Variants in RORA observed in about 807,000 individuals in gnomAD.
The protein encoded by RORA is RAR related orphan receptor A, also known as nuclear receptor ROR-alpha.
RORA carries 7 observed loss-of-function variants against 69.5 expected under a neutral mutation model. That is an observed-to-expected ratio of 0.10 (90% confidence interval 0.06 to 0.19). RORA has a LOEUF of 0.19. Ranked by LOEUF, RORA falls within the 10% of genes least tolerant of loss-of-function variation. The pLI, the probability that RORA is intolerant of heterozygous loss-of-function variation, is 1.00. For synonymous variants in RORA, 261 were observed against 240.8 expected (o/e 1.08, Z -0.78); for missense variants, 457 against 663.0 (o/e 0.69, Z 3.41).
intron 1 of RORA, among the ~76,000 whole-genome samples, chr15:60,878,170 CAAAAAAAAAAAAA>C (rs11362081): frequency 4.3e-5 from 3 of 69,680 alleles, no homozygotes; most frequent in South Asian, 1.2e-3. Flanking sequence ...ACTAAAAATA[CAAAAAAAAAAAAA>C]AAAAAAAAAA....
intron 1 of RORA, among the ~76,000 whole-genome samples, chr15:60,760,828 A>G (rs1378068316): frequency 1.3e-5 from 2 of 152,078 alleles, no homozygotes; most frequent in African/African-American, 4.8e-5. Flanking sequence ...TTGAATGACG[A>G]TGCATGTCTA....
At chr15:61,078,156 AT>A (rs966775381) in intron 1 of RORA, among the ~76,000 whole-genome samples, 1 of 152,192 alleles carries the variant, frequency 6.6e-6, no homozygotes, top group Non-Finnish European at 1.5e-5. Flanking sequence ...TAAAGGCTTT[AT>A]TTTTAAATTA....
In RORA at chr15:61,197,029, T is replaced by C. The variant is rs116301475; in HGVS notation, c.166+32024A>G. On this transcript the variant is annotated intron_variant, in intron 1 of 10. Transcript: ENST00000335670. ...AGGAAACAACAAAAATTTAAAGACA[T>C]ATTGCCCCAGGGACCACAGGGGAAA... is the stretch of plus-strand genomic sequence containing the variant. 5.6e-3 allele frequency among the ~76,000 whole-genome samples: 852 copies of C among 152,252 alleles called. 9 individuals carry two copies. The highest frequency in any genetic ancestry group is 0.02 in the African/African-American group (814 of 41,550).
intron 2 of RORA, among the ~76,000 whole-genome samples, chr15:60,621,364 T>C (rs1360102690): frequency 1.3e-5 from 2 of 152,130 alleles, no homozygotes; most frequent in Non-Finnish European, 2.9e-5. Flanking sequence ...AAGCTCATAG[T>C]CCACTGCGGA....
rs546993675 is a variant in RORA, at chr15:61,206,966, T to C, written c.166+22087A>G. ...AGTCTAACGCCTAAATTCCAAAAGATATTACTGATACTGTTTATAATTAGC... is the reference window on the plus strand; with the variant it reads ...AGTCTAACGCCTAAATTCCAAAAGACATTACTGATACTGTTTATAATTAGC... On this transcript the variant is annotated intron_variant, in intron 1 of 10. Transcript: ENST00000335670. Among the ~76,000 whole-genome samples the C allele has an allele frequency of 2.0e-5, 3 of 152,282 alleles. No homozygotes were observed. In the South Asian group the frequency reaches 6.2e-4, roughly 32 times the overall value.
At chr15:60,509,698 T>G (rs1405654798) in intron 5 of RORA, among the ~76,000 whole-genome samples, 1 of 152,108 alleles carries the variant, frequency 6.6e-6, no homozygotes, top group Non-Finnish European at 1.5e-5. Flanking sequence ...AAATCCTTAT[T>G]CATATCTGAA....
At chr15:60,656,515 TC>T (rs1399079958) in intron 2 of RORA, among the ~76,000 whole-genome samples, 1 of 105,834 alleles carries the variant, frequency 9.4e-6, no homozygotes, top group Admixed American at 8.2e-5. Context: ...ACCCTGAGAT[TC>T]TTTTTTTTTC....
At chr15:61,066,319 A>G (rs1290639537) in intron 1 of RORA, among the ~76,000 whole-genome samples, 1 of 152,040 alleles carries the variant, frequency 6.6e-6, no homozygotes, top group Non-Finnish European at 1.5e-5. Flanking sequence ...CATGTGTACT[A>G]TAAAATTTCT....
At position 60,617,460 on chromosome 15, in the gene RORA, C is replaced by T. The variant is rs147867659; in HGVS notation, c.196+61197G>A. On this transcript the variant is annotated intron_variant, in intron 2 of 10. Coordinates refer to ENST00000335670, the MANE Select transcript of RORA (RefSeq NM_134261.3). ...GGAAGCAACTGCGCAAAAGGCAGAACGTGACAGTGAGAATTCCTCTTGGAG... is the reference window on the plus strand; with the variant it reads ...GGAAGCAACTGCGCAAAAGGCAGAATGTGACAGTGAGAATTCCTCTTGGAG... 1.9e-4 allele frequency among the ~76,000 whole-genome samples: 29 copies of T among 152,204 alleles called. No individual in the cohort carries two copies. The Middle Eastern group carries it at 0.01, about 54-fold the overall frequency.
At chr15:60,866,465 C>T (rs1372917154) in intron 1 of RORA, among the ~76,000 whole-genome samples, 4 of 152,200 alleles carry the variant, frequency 2.6e-5, no homozygotes, top group Non-Finnish European at 5.9e-5. Context: ...AAATCATCAT[C>T]TTTTATTGTT....
chr15:61,056,917 T>G (rs562171214), intron 1 of RORA, among the ~76,000 whole-genome samples: 1 of 152,356 alleles, frequency 6.6e-6, no homozygotes, highest in Admixed American at 6.5e-5. Context: ...CTGCCTTCCC[T>G]CTTGGCTCCT....
At chr15:60,779,279 GC>G (rs1266286942) in intron 1 of RORA, among the ~76,000 whole-genome samples, 1 of 152,080 alleles carries the variant, frequency 6.6e-6, no homozygotes, top group African/African-American at 2.4e-5. Flanking sequence ...TCCCAGGTTG[GC>G]CCAACTCTTA....
intron 1 of RORA, among the ~76,000 whole-genome samples, chr15:60,996,366 C>T (rs12593212): frequency 0.23 from 34,655 of 152,136 alleles, 4,347 homozygotes; most frequent in East Asian, 0.39. Flanking sequence ...GCCACCACGC[C>T]CAGCCCTACA....
chr15:60,627,304 T>C lies in RORA; in HGVS notation c.196+51353A>G, dbSNP rs748254416. On this transcript the variant is annotated intron_variant, in intron 2 of 10. Transcript: ENST00000335670. The stretch of plus-strand genomic sequence containing the variant: ...TCTGGCCTGTCCAGTTCGAAGACAA[T>C]GACCCATGATTGACCACGGCACTCT... 13 of 1,614,168 alleles carry C rather than the reference T, an allele frequency of 8.1e-6. No individual in the cohort carries two copies. In the South Asian group the frequency reaches 1.2e-4, roughly 15 times the overall value.
At chr15:61,157,243 T>C (rs531323273) in intron 1 of RORA, among the ~76,000 whole-genome samples, 11 of 152,238 alleles carry the variant, frequency 7.2e-5, no homozygotes, top group African/African-American at 2.2e-4. Flanking sequence ...GAAATAAAAA[T>C]AGCCCTTTTG....
At chr15:60,739,107 T>C (rs1212433484) in intron 1 of RORA, among the ~76,000 whole-genome samples, 1 of 152,126 alleles carries the variant, frequency 6.6e-6, no homozygotes, top group Non-Finnish European at 1.5e-5. Flanking sequence ...AAAATATAAG[T>C]TTTGAGGAGG....
At chr15:60,626,101 T>C (rs530175323) in intron 2 of RORA, among the ~76,000 whole-genome samples, 1 of 152,328 alleles carries the variant, frequency 6.6e-6, no homozygotes, top group South Asian at 2.1e-4. Flanking sequence ...CAGCCTGTGT[T>C]AGCTCACGAC....
chr15:60,998,231 A>C (rs546441213), intron 1 of RORA, among the ~76,000 whole-genome samples: 1 of 150,416 alleles, frequency 6.6e-6, no homozygotes, highest in South Asian at 2.1e-4. Flanking sequence ...TGGCCCGATC[A>C]CAGCTCACTG....
intron 1 of RORA, among the ~76,000 whole-genome samples, chr15:61,042,170 T>C (rs746552537): frequency 8.5e-5 from 13 of 152,198 alleles, no homozygotes; most frequent in Non-Finnish European, 1.5e-4. Context: ...ACCTCAACAA[T>C]AGCCTATTAG....
Sources: gnomAD v4.1 joint callset for allele counts (sites outside exome capture counted in the v4.1 genomes callset) on GRCh38, gnomAD v4.1.1 for gene constraint, MANE v1.5 for transcripts, NCBI Gene and HGNC (gene_info 2026-07-23, HGNC 2026-07-21) for gene names.